GSTZ1: variants seen among roughly 807,000 people sequenced by gnomAD.
The protein encoded by GSTZ1 is glutathione S-transferase zeta 1.
In GSTZ1, 34 loss-of-function variants were observed where a neutral mutation model predicts 35.9. That is an observed-to-expected ratio of 0.95 (90% confidence interval 0.72 to 1.26). The LOEUF (loss-of-function observed/expected upper bound fraction) is 1.26, where lower values mean the gene tolerates loss of function less well. GSTZ1 is among the 50% of genes most tolerant of loss of function. GSTZ1 has a pLI of 0.00. For synonymous variants in GSTZ1, 93 were observed against 101.2 expected (o/e 0.92, Z 0.49); for missense variants, 263 against 271.7 (o/e 0.97, Z 0.23).
At chr14:77,330,875 A>G (rs1892590579) in intron 8 of GSTZ1, among the ~76,000 whole-genome samples, 194 bp from the exon 9 acceptor site, 1 of 152,144 alleles carries the variant, frequency 6.6e-6, no homozygotes, top group African/African-American at 2.4e-5. Flanking sequence ...AGAAATAGGA[A>G]CAGTAGGTAA....
chr14:77,329,579 C>T lies in GSTZ1; in HGVS notation c.422-176C>T, dbSNP rs534887329. The T allele has an allele frequency of 5.0e-5, 31 of 624,368 alleles. No homozygotes were observed. The African/African-American group carries it at 5.3e-4, about 11-fold the overall frequency. The allele number at this position is 624,368 out of a possible 1,614,324, so 38.7% of individuals were successfully genotyped here. ...ATTGTCTGTGCGGAGCCTCAGGAAA[C>T]AGCAGCTCATCCCTAACAGCTCTCT... On this transcript the variant is annotated intron_variant, in intron 6 of 8. Coordinates refer to ENST00000216465, the MANE Select transcript of GSTZ1 (RefSeq NM_145870.3).
At chr14:77,329,283 C>G in intron 6 of GSTZ1, 82 bp downstream of exon 6, 1 of 937,976 alleles carries the variant, frequency 1.1e-6, no homozygotes, top group Non-Finnish European at 1.8e-6. Context: ...GGTATCTGAA[C>G]CAGCCTCCCA....
chr14:77,327,778 G>C (rs1257237075), intron 4 of GSTZ1, 134 bp from the exon 5 acceptor site: 1 of 887,058 alleles, frequency 1.1e-6, no homozygotes, highest in Non-Finnish European at 1.8e-6. Context: ...TATAGGGCTT[G>C]AGCTGAGCAG....
intron 7 of GSTZ1, 137 bp from the exon 8 acceptor site, chr14:77,330,173 A>G: frequency 2.5e-6 from 2 of 794,710 alleles, no homozygotes; most frequent in Non-Finnish European, 4.6e-6. Context: ...TAGGGCAGAC[A>G]AGAATTGGAG....
At chr14:77,321,610 G>A (rs1334105271) in intron 1 of GSTZ1, 12 of 1,054,542 alleles carry the variant, frequency 1.1e-5, no homozygotes, top group South Asian at 8.6e-5. Flanking sequence ...CGGGCCGGGC[G>A]CGGTGGCTCA....
chr14:77,324,874 T>A lies in GSTZ1; in HGVS notation c.20T>A (p.Ile7Asn). MQAGKP[I>N]LYSYFRSSCS... ...CTTCATCCTCTCTCTCCTCAGCCCATCCTCTATTCCTATTTCCGAAGCTCC... is the reference window on the plus strand; with the variant it reads ...CTTCATCCTCTCTCTCCTCAGCCCAACCTCTATTCCTATTTCCGAAGCTCC... The change falls in exon 2 of 9, where the codon ATC (isoleucine) becomes AAC (asparagine). Residue 7 changes from isoleucine to asparagine, a missense_variant. Transcript: ENST00000216465. 1 of 1,614,034 alleles carries A rather than the reference T, an allele frequency of 6.2e-7. No individual in the cohort carries two copies. Among genetic ancestry groups the A allele is most frequent in the Non-Finnish European group, 8.5e-7 (1 of 1,179,884 alleles).
chr14:77,325,449 T>C lies in GSTZ1; in HGVS notation c.67+528T>C, dbSNP rs8177556. ...TACTGAGGAAAAGCTCTGTGCTGAGTGCTTTTGTGTGCCTGATTCCATTTA... is the reference window on the plus strand; with the variant it reads ...TACTGAGGAAAAGCTCTGTGCTGAGCGCTTTTGTGTGCCTGATTCCATTTA... On this transcript the variant is annotated intron_variant, in intron 2 of 8. Transcript: ENST00000216465. 9.3e-3 allele frequency: 1,485 copies of C among 159,576 alleles called. 6 individuals carry two copies. The highest frequency in any genetic ancestry group is 0.015 in the Non-Finnish European group (1,075 of 71,832). The allele number at this position is 159,576 out of a possible 1,614,324, so 9.9% of individuals were successfully genotyped here.
At chr14:77,322,788 A>T in intron 1 of GSTZ1, 1 of 825,996 alleles carries the variant, frequency 1.2e-6, no homozygotes, top group South Asian at 5.5e-5. Context: ...GGAAGGGCCT[A>T]GGTTCCCACT....
chr14:77,325,449 T>G lies in GSTZ1; in HGVS notation c.67+528T>G, dbSNP rs8177556. Reference sequence around the variant, plus strand: ...TACTGAGGAAAAGCTCTGTGCTGAGTGCTTTTGTGTGCCTGATTCCATTTA... The same window carrying G: ...TACTGAGGAAAAGCTCTGTGCTGAGGGCTTTTGTGTGCCTGATTCCATTTA... On this transcript the variant is annotated intron_variant, in intron 2 of 8. Coordinates refer to ENST00000216465, the MANE Select transcript of GSTZ1 (RefSeq NM_145870.3). The G allele has an allele frequency of 3.7e-3, 595 of 159,580 alleles. 4 individuals are homozygous for G. The highest frequency in any genetic ancestry group is 0.013 in the African/African-American group (559 of 41,640). The allele number at this position is 159,580 out of a possible 1,614,324, so 9.9% of individuals were successfully genotyped here.
At chr14:77,330,915 A>G (rs982682852) in intron 8 of GSTZ1, among the ~76,000 whole-genome samples, 154 bp from the exon 9 acceptor site, 1 of 152,072 alleles carries the variant, frequency 6.6e-6, no homozygotes, top group African/African-American at 2.4e-5. Context: ...CACAAGACCT[A>G]CCCATCCCCT....
At chr14:77,327,170 CCCCA>C (rs1892362734) in intron 3 of GSTZ1, 6 of 593,032 alleles carry the variant, frequency 1.0e-5, no homozygotes, top group Non-Finnish European at 1.8e-5. Context: ...GCTAGTGGGT[CCCCA>C]CCCCATACTG....
intron 1 of GSTZ1, chr14:77,322,610 G>A: frequency 1.2e-5 from 12 of 984,634 alleles, no homozygotes; most frequent in Non-Finnish European, 1.4e-5. Context: ...GGTAAGGAAA[G>A]GGAGTTGCAT....
At chr14:77,324,814 A>C (rs1892227374) in intron 1 of GSTZ1, 56 bp from the exon 2 acceptor site, 20 of 1,549,522 alleles carry the variant, frequency 1.3e-5, no homozygotes, top group Non-Finnish European at 1.8e-5. Context: ...GACTCCTCCC[A>C]AGCTGGAGCC....
intron 7 of GSTZ1, 132 bp from the exon 8 acceptor site, chr14:77,330,178 T>C: frequency 1.3e-6 from 1 of 798,212 alleles, no homozygotes; most frequent in South Asian, 1.3e-5. Context: ...CAGACAAGAA[T>C]TGGAGGTGGG....
intron 1 of GSTZ1, among the ~76,000 whole-genome samples, chr14:77,322,132 AAT>A (rs756980818): frequency 2.6e-5 from 4 of 152,174 alleles, no homozygotes; most frequent in Non-Finnish European, 4.4e-5. Flanking sequence ...GCGTCACGTT[AAT>A]AATGTATAGT....
chr14:77,330,933 A>G, intron 8 of GSTZ1, 136 bp from the exon 9 acceptor site: 1 of 729,470 alleles, frequency 1.4e-6, no homozygotes, highest in Non-Finnish European at 2.3e-6. Flanking sequence ...CCTGTGAATA[A>G]GGGCTGCCCC....
rs1566675734 is a variant in GSTZ1, at chr14:77,329,763, C to T, written c.430C>T (p.Gln144Ter). The T allele has an allele frequency of 6.2e-7, 1 of 1,613,312 alleles. No homozygotes were observed. Among genetic ancestry groups the T allele is most frequent in the Non-Finnish European group, 8.5e-7 (1 of 1,179,226 alleles). ...ATGTGGCCTCCCCACAGCCCTGGAG[C>T]AGATCCTACAGAGCACAGCGGGCAT... is the stretch of plus-strand genomic sequence containing the variant. ...AITCGFNALE[Q>*]ILQSTAGIYC... is the part of the protein sequence containing the mutation. The change falls in exon 7 of 9, where the codon CAG (glutamine) becomes TAG (stop). Residue 144 changes from glutamine to a stop codon, truncating the protein, a stop_gained. Coordinates refer to ENST00000216465, the MANE Select transcript of GSTZ1 (RefSeq NM_145870.3). LOFTEE classifies it high-confidence loss of function.
In GSTZ1 at chr14:77,324,705, A is replaced by C. The variant is rs1892219575; in HGVS notation, c.16-165A>C. 5.0e-6 allele frequency: 6 copies of C among 1,203,708 alleles called. No individual in the cohort carries two copies. In the South Asian group the frequency reaches 7.7e-5, roughly 15 times the overall value. The allele number at this position is 1,203,708 out of a possible 1,614,324, so 74.6% of individuals were successfully genotyped here. A position where few individuals can be genotyped will look rare whatever the true frequency, so the allele number is the denominator to read the frequency against. On this transcript the variant is annotated intron_variant, in intron 1 of 8. Transcript: ENST00000216465. ...CTCAAACCAGCATAATTTTGGAGCC[A>C]AGGGACCTCATGAGCCTCTCAGAGA... is the stretch of plus-strand genomic sequence containing the variant.
At chr14:77,322,149 C>T (rs1428335552) in intron 1 of GSTZ1, among the ~76,000 whole-genome samples, 1 of 152,174 alleles carries the variant, frequency 6.6e-6, no homozygotes, top group Non-Finnish European at 1.5e-5. Context: ...TATAGTCCTC[C>T]CTCTTCCAAA....
Sources: allele counts gnomAD v4.1 joint callset (sites outside exome capture counted in the v4.1 genomes callset), GRCh38; gene constraint gnomAD v4.1.1; transcripts MANE v1.5; gene names NCBI Gene and HGNC (gene_info 2026-07-23, HGNC 2026-07-21).